Variants in ATP8B3 observed in about 807,000 individuals in gnomAD.
ATP8B3 encodes ATPase phospholipid transporting 8B3, also known as phospholipid-transporting ATPase IK.
A neutral mutation model predicts 140.9 loss-of-function variants in ATP8B3; 141 were observed. That is an observed-to-expected ratio of 1.00 (90% CI 0.87 to 1.15). ATP8B3 has a LOEUF of 1.15. Ranked by LOEUF, ATP8B3 falls within the 50% of genes most tolerant of loss-of-function variation. ATP8B3 has a pLI of 0.00. For synonymous variants in ATP8B3, 765 were observed against 714.6 expected, an observed-to-expected ratio of 1.07 and a Z score of -1.13; for missense variants, 1,874 against 1,740.6, an observed-to-expected ratio of 1.08 and a Z score of -1.36.
chr19:1,802,389 A>G, intron 11 of ATP8B3, 98 bp downstream of exon 11: 1 of 1,186,698 alleles, frequency 8.4e-7, no homozygotes, highest in South Asian at 1.4e-5. Context: ...ATCCTCTCAC[A>G]CATCCATCCA....
chr19:1,805,510 A>G lies in ATP8B3; in HGVS notation c.822-54T>C, dbSNP rs1439026969. On this transcript the variant is annotated intron_variant, in intron 9 of 28. Transcript: ENST00000310127. The surrounding 1 kb of genome is among the most constrained non-coding windows in gnomAD (Gnocchi z 5.2). ...AGTGGAGTTGATGGATGCTTCGAGG[A>G]GCCCCCAGACCCCTTCTGGAGTCAC... The G allele has an allele frequency of 1.4e-6, 2 of 1,427,830 alleles. No homozygotes were observed. The highest frequency in any genetic ancestry group is 1.9e-6 in the Non-Finnish European group (2 of 1,035,032). The allele number at this position is 1,427,830 out of a possible 1,614,324, so 88.4% of individuals were successfully genotyped here. A position where few individuals can be genotyped will look rare whatever the true frequency, so the allele number is the denominator to read the frequency against.
chr19:1,790,671 C>T, intron 21 of ATP8B3, 86 bp downstream of exon 21: 1 of 913,328 alleles, frequency 1.1e-6, no homozygotes, highest in Non-Finnish European at 1.5e-6. Flanking sequence ...GCCTTGGGCT[C>T]CCCGTCCAGT....
At position 1,796,146 on chromosome 19, in the gene ATP8B3, C is replaced by G. The variant is rs757771501; in HGVS notation, c.1873G>C (p.Glu625Gln). ...QDTVTIMELG[E>Q]ERVYQVLAIM... ...GCCAGGACCTGGTAGACCCGTTCCT[C>G]CCCCAGCTCCATGATCGTGACGGTG... Residue 625 changes from glutamate (E) to glutamine (Q), a missense_variant, in exon 17 of 29, where the codon GAG (glutamate) becomes CAG (glutamine). By Grantham distance (29) the Glu-to-Gln change is conservative. Around this residue, in one of 3 missense-constraint regions of ATP8B3, gnomAD observed 1,032 missense variants for 963.6 expected, o/e 1.07. Transcript: ENST00000310127. The G allele has an allele frequency of 3.7e-6, 6 of 1,612,876 alleles. No individual in the cohort carries two copies. The African/African-American group carries it at 6.7e-5, about 18-fold the overall frequency.
Position 1,805,074 on chromosome 19 carries a change from C to G in ATP8B3, c.904+300G>C, listed in dbSNP as rs1290771686. The stretch of plus-strand genomic sequence containing the variant: ...ACTGCAGCCTCAGCCTCCCTGAGCT[C>G]AAGCGAGCCTCCCACCTCAGCCTCC... On this transcript the variant is annotated intron_variant, in intron 10 of 28. Transcript: ENST00000310127. The surrounding 1 kb of genome is among the most constrained non-coding windows in gnomAD (Gnocchi z 5.2). The G allele has an allele frequency of 9.7e-6, 4 of 411,644 alleles. No homozygotes were observed. Among genetic ancestry groups the G allele is most frequent in the South Asian group, 2.1e-5 (1 of 48,176 alleles). The allele number at this position is 411,644 out of a possible 1,614,324, so 25.5% of individuals were successfully genotyped here.
rs372594078 is a variant in ATP8B3, at chr19:1,800,677, TAGTC to T, written c.1153-232_1153-229del. Among the ~76,000 whole-genome samples, 2,032 of 151,922 alleles carry T rather than the reference TAGTC, an allele frequency of 0.013. 44 individuals carry two copies. Among genetic ancestry groups the T allele is most frequent in the African/African-American group, 0.044 (1,820 of 41,420 alleles). On this transcript the variant is annotated intron_variant, in intron 12 of 28. Transcript: ENST00000310127. This position sits in a 1 kb window ranked among gnomAD's most constrained non-coding sequence, Gnocchi z 4.4. ...TCGACGAAAAACTTAAAAAATAAAT[TAGTC>T]AGGCATGGTGGCGCACACCTGTAGT...
At chr19:1,803,775 G>A (rs577000678) in intron 10 of ATP8B3, among the ~76,000 whole-genome samples, 24 of 151,806 alleles carry the variant, frequency 1.6e-4, no homozygotes, top group Admixed American at 7.2e-4. Flanking sequence ...GGGCGCCTGG[G>A]ATCCCAGCTG....
rs774488393 is a variant in ATP8B3, at chr19:1,796,102, G to A, written c.1917C>T (p.Ser639=). 1.9e-6 allele frequency: 3 copies of A among 1,612,986 alleles called. No homozygotes were observed. Among genetic ancestry groups the A allele is most frequent in the Non-Finnish European group, 2.5e-6 (3 of 1,179,836 alleles). Residue 639 remains serine (S), a synonymous_variant, in exon 17 of 29, where the codon AGC becomes AGT. Transcript: ENST00000310127. The stretch of plus-strand genomic sequence containing the variant: ...CCAGCACCGACATCCGTTTGCGCGT[G>A]CTGTTGAAGTCCATTATGGCCAGGA... ...YQVLAIMDFN[S]TRKRMSVLVR... is the part of the protein sequence containing the mutation.
rs766250698 is a variant in ATP8B3 at position 1,806,600 on chromosome 19, G to A, written c.677+28C>T. On this transcript the variant is annotated intron_variant, in intron 7 of 28. Transcript: ENST00000310127. This position sits in a 1 kb window ranked among gnomAD's most constrained non-coding sequence, Gnocchi z 5.6. The stretch of plus-strand genomic sequence containing the variant: ...TGGGCTGGAGCCCCCGTGTCCCCGC[G>A]GATCCCCAGCTGCAGCCCCAGCCTC... 1.9e-5 allele frequency: 29 copies of A among 1,551,752 alleles called. 1 individual carries two copies. Among genetic ancestry groups the A allele is most frequent in the African/African-American group, 8.2e-5 (6 of 73,050 alleles).
In ATP8B3 at chr19:1,787,088, C is replaced by A; in HGVS notation, c.3153+15G>T. On this transcript the variant is annotated intron_variant, in intron 25 of 28. Coordinates refer to ENST00000310127, the MANE Select transcript of ATP8B3 (RefSeq NM_138813.4). ...GCAGAGACCTGGAAGGAAGACCCGG[C>A]CTTGCCCTGCTCACCTGCTCAAAGA... 3 of 1,580,396 alleles carry A rather than the reference C, an allele frequency of 1.9e-6. No individual in the cohort carries two copies. Among genetic ancestry groups the A allele is most frequent in the South Asian group, 2.3e-5 (2 of 87,094 alleles).
At chr19:1,789,804 G>T in intron 22 of ATP8B3, 77 bp from the exon 23 acceptor site, 1 of 1,575,440 alleles carries the variant, frequency 6.3e-7, no homozygotes. Flanking sequence ...CCTCGGCCTC[G>T]CCAGCAGTCC....
At chr19:1,808,178 C>T (rs1187936347) in intron 5 of ATP8B3, 44 bp downstream of exon 5, 1 of 1,473,002 alleles carries the variant, frequency 6.8e-7, no homozygotes, top group Non-Finnish European at 9.4e-7. Flanking sequence ...TCGATGCTGC[C>T]AGGTGGCTAG....
intron 14 of ATP8B3, chr19:1,799,321 AGGCGGGGT>A (rs2068770061): frequency 6.6e-6 from 1 of 151,996 alleles, no homozygotes; most frequent in African/African-American, 2.4e-5. Flanking sequence ...AAAATTAGCC[AGGCGGGGT>A]GGCACGCAAC....
intron 18 of ATP8B3, among the ~76,000 whole-genome samples, chr19:1,795,262 A>C (rs931193519): frequency 1.3e-5 from 2 of 151,626 alleles, no homozygotes; most frequent in Non-Finnish European, 2.9e-5. Flanking sequence ...CTCAAAAAAG[A>C]AAAGGCAGGC....
chr19:1,787,153 T>A lies in ATP8B3; in HGVS notation c.3103A>T (p.Asn1035Tyr), dbSNP rs762907451. Residue 1035 changes from asparagine (N) to tyrosine (Y), a missense_variant, in exon 25 of 29, where the codon AAC (asparagine) becomes TAC (tyrosine). Asn to Tyr is a moderately radical substitution (Grantham distance 143). Coordinates refer to ENST00000310127, the MANE Select transcript of ATP8B3 (RefSeq NM_138813.4). The stretch of plus-strand genomic sequence containing the variant: ...ACTGGCAGGGTGCTGTACAGGAGGT[T>A]GAAAAGAGCCAGGAACCATCCTTCA... Reference protein sequence around the residue: ...LYEGWFLALFNLLYSTLPVLY... With the variant: ...LYEGWFLALFYLLYSTLPVLY... The A allele has an allele frequency of 1.9e-6, 3 of 1,610,904 alleles. No homozygotes were observed. In the South Asian group the frequency reaches 3.3e-5, roughly 18 times the overall value.
rs1444827539 is a variant in ATP8B3 at position 1,805,555 on chromosome 19, A to G, written c.822-99T>C. 1.0e-5 allele frequency: 11 copies of G among 1,078,242 alleles called. No homozygotes were observed. In the Admixed American group the frequency reaches 2.2e-4, roughly 22 times the overall value. The allele number at this position is 1,078,242 out of a possible 1,614,324, so 66.8% of individuals were successfully genotyped here. A position where few individuals can be genotyped will look rare whatever the true frequency, so the allele number is the denominator to read the frequency against. On this transcript the variant is annotated intron_variant, in intron 9 of 28. Transcript: ENST00000310127. This position sits in a 1 kb window ranked among gnomAD's most constrained non-coding sequence, Gnocchi z 5.2. ...AGTCACTCAAACATTTTCACTGAGC[A>G]CCTACTAGTTCGCCAGCTGCCAGTC...
chr19:1,809,480 CAA>C (rs1282262807), intron 4 of ATP8B3, among the ~76,000 whole-genome samples, 161 bp downstream of exon 4: 4 of 119,166 alleles, frequency 3.4e-5, no homozygotes, highest in Non-Finnish European at 1.8e-5. Flanking sequence ...GACTCTGTCT[CAA>C]AAAAAAAAAA....
intron 14 of ATP8B3, 59 bp from the exon 15 acceptor site, chr19:1,797,064 T>C: frequency 6.3e-7 from 1 of 1,594,340 alleles, no homozygotes; most frequent in Non-Finnish European, 8.6e-7. Context: ...CGGGATCCCA[T>C]AGCCCCTGAC....
chr19:1,795,797 A>T, intron 18 of ATP8B3, 78 bp downstream of exon 18: 1 of 378,238 alleles, frequency 2.6e-6, no homozygotes, highest in Non-Finnish European at 4.1e-6. Flanking sequence ...ACACACACAC[A>T]CACACACACA....
rs2068276133 is a variant in ATP8B3, at chr19:1,785,497, A to G, written c.3365T>C (p.Leu1122Pro). The G allele has an allele frequency of 2.5e-6, 4 of 1,612,892 alleles. No homozygotes were observed. The highest frequency in any genetic ancestry group is 2.7e-5 in the African/African-American group (2 of 75,026). Residue 1122 changes from leucine to proline, a missense_variant, in exon 26 of 29, where the codon CTG (leucine) becomes CCG (proline). By Grantham distance (98) the Leu-to-Pro change is moderately conservative (BLOSUM62 -3). This residue lies in a region of ATP8B3 where 840 missense variants were observed against 760.9 expected (regional missense o/e 1.10). Transcript: ENST00000310127. ...DHQSFAVVVA[L>P]SCLLSITMEV... is the part of the protein sequence containing the mutation. ...CATGGTGATGGACAGCAGGCAAGAC[A>G]GGGCCACCACGACCGCAAAGGACTG... is the stretch of plus-strand genomic sequence containing the variant.
Sources: gnomAD v4.1 joint callset for allele counts (sites outside exome capture counted in the v4.1 genomes callset) on GRCh38, gnomAD v4.1.1 for gene constraint, gnomAD v4.1.1 regional missense constraint, Gnocchi (gnomAD v3.1) non-coding constraint, MANE v1.5 for transcripts, NCBI Gene and HGNC (gene_info 2026-07-23, HGNC 2026-07-21) for gene names.